Variants in HID1 observed in about 807,000 individuals in gnomAD.
HID1 encodes the protein protein HID1.
In HID1, 42 loss-of-function variants were observed where a neutral mutation model predicts 89.7. That is an observed-to-expected ratio of 0.47 (90% CI 0.37 to 0.61). The LOEUF (loss-of-function observed/expected upper bound fraction) is 0.61. HID1 is among the 20% of genes least tolerant of loss of function. The pLI is 0.00. For synonymous variants in HID1, 442 were observed against 433.8 expected (o/e 1.02, Z -0.24); for missense variants, 854 against 1,039.3 (o/e 0.82, Z 2.45).
chr17:74,961,035 C>T (rs959514230), intron 6 of HID1, among the ~76,000 whole-genome samples: 5 of 151,890 alleles, frequency 3.3e-5, no homozygotes, highest in Non-Finnish European at 5.9e-5. Context: ...ACACACTCCC[C>T]GACCCGGTCT....
At chr17:74,967,891 C>G (rs2039586919) in intron 1 of HID1, 1 of 152,084 alleles carries the variant, frequency 6.6e-6, no homozygotes, top group Non-Finnish European at 1.5e-5. Flanking sequence ...TCACTTGAGC[C>G]CAGAAGTTGA....
At chr17:74,968,436 G>T (rs538923973) in intron 1 of HID1, among the ~76,000 whole-genome samples, 1 of 152,070 alleles carries the variant, frequency 6.6e-6, no homozygotes, top group Non-Finnish European at 1.5e-5. Flanking sequence ...CCTCACCAAG[G>T]TCCAGGCATA....
rs1304960897 is a variant in HID1, at chr17:74,962,858, C to G, written c.504+107G>C. 1.3e-6 allele frequency: 1 copy of G among 761,404 alleles called. No individual in the cohort carries two copies. The highest frequency in any genetic ancestry group is 1.8e-5 in the African/African-American group (1 of 56,614). 47.2% of individuals were successfully genotyped at this position (761,404 alleles called of 1,614,324 possible). On this transcript the variant is annotated intron_variant, in intron 4 of 18. Transcript: ENST00000425042. The surrounding 1 kb of genome is among the most constrained non-coding windows in gnomAD (Gnocchi z 4.3). ...GCCAGGCAGCTCAGCTCTCCTGGAG[C>G]CCCCCGGCCCCCAGTGCAATCCGCC... is the stretch of plus-strand genomic sequence containing the variant.
Position 74,960,087 on chromosome 17 carries a change from G to A in HID1, c.890C>T (p.Ala297Val), listed in dbSNP as rs887996983. Residue 297 changes from alanine (A) to valine (V), a missense_variant, in exon 7 of 19, where the codon GCC (alanine) becomes GTC (valine). By Grantham distance (64) the Ala-to-Val change is moderately conservative (BLOSUM62 0). Coordinates refer to ENST00000425042, the MANE Select transcript of HID1 (RefSeq NM_030630.3). ...GTCCACAGTGGGGCTGGCACTGCTG[G>A]CACTGTCGTGGTCCAAAGTGACAAT... ...VLIVTLDHDS[A>V]SSASPTVDGT... 1.2e-5 allele frequency: 19 copies of A among 1,613,862 alleles called. No individual in the cohort carries two copies. Among genetic ancestry groups the A allele is most frequent in the Non-Finnish European group, 1.5e-5 (18 of 1,180,028 alleles).
intron 1 of HID1, among the ~76,000 whole-genome samples, chr17:74,968,143 C>T (rs1426220974): frequency 6.6e-6 from 1 of 152,018 alleles, no homozygotes; most frequent in Non-Finnish European, 1.5e-5. Context: ...TCTGAAGCTA[C>T]TTCTTCTAAG....
rs774572885 is a variant in HID1, at chr17:74,954,384, C to A, written c.1637-19G>T. 3 of 1,553,156 alleles carry A rather than the reference C, an allele frequency of 1.9e-6. No homozygotes were observed. The highest frequency in any genetic ancestry group is 1.7e-6 in the Non-Finnish European group (2 of 1,148,690). ...GAGTTGCCTGTGGGCAGGGAGCATG[C>A]CTCGCCTCAGGGAGGCCCCCTCCAG... On this transcript the variant is annotated intron_variant, in intron 13 of 18. Transcript: ENST00000425042.
chr17:74,952,181 C>T (rs1234493512), intron 17 of HID1, 88 bp downstream of exon 17: 4 of 1,524,200 alleles, frequency 2.6e-6, no homozygotes, highest in African/African-American at 2.7e-5. Context: ...AGGCTGGCCC[C>T]GCCCAGAGCC....
intron 3 of HID1, 84 bp from the exon 4 acceptor site, chr17:74,963,165 G>A: frequency 2.0e-6 from 2 of 1,008,574 alleles, no homozygotes; most frequent in Non-Finnish European, 2.9e-6. Flanking sequence ...TGGAGGACAG[G>A]GGCTGAGCCC....
At chr17:74,968,626 C>T (rs1412502020) in intron 1 of HID1, among the ~76,000 whole-genome samples, 1 of 152,178 alleles carries the variant, frequency 6.6e-6, no homozygotes, top group African/African-American at 2.4e-5. Flanking sequence ...TCAGCCAGGA[C>T]AGCCCTCTGG....
Position 74,954,229 on chromosome 17 carries a change from G to C in HID1, c.1773C>G (p.Thr591=), listed in dbSNP as rs755716748. The C allele has an allele frequency of 1.9e-6, 3 of 1,595,172 alleles. No homozygotes were observed. The highest frequency in any genetic ancestry group is 2.6e-6 in the Non-Finnish European group (3 of 1,172,208). Residue 591 remains threonine, a synonymous_variant, in exon 14 of 19, where the codon ACC becomes ACG. Transcript: ENST00000425042. ...RRRTPEPLSR[T]GSQEGTSMEG... ...CCATGGAGGTGCCCTCCTGGGAGCC[G>C]GTGCGAGACAAGGGCTCAGGTGTCC... is the stretch of plus-strand genomic sequence containing the variant.
At chr17:74,954,399 G>GC in intron 13 of HID1, 34 bp from the exon 14 acceptor site, 1 of 1,549,730 alleles carries the variant, frequency 6.5e-7, no homozygotes, top group Non-Finnish European at 8.7e-7. Context: ...CCTCAGGGAG[G>GC]CCCCCTCCAG....
At chr17:74,957,939 A>T (rs766151731) in intron 12 of HID1, 1 of 586,614 alleles carries the variant, frequency 1.7e-6, no homozygotes, top group Non-Finnish European at 3.0e-6. Flanking sequence ...CATATTGGCT[A>T]CATGTTGAGA....
chr17:74,962,367 G>C lies in HID1; in HGVS notation c.505-27C>G, dbSNP rs761476128. On this transcript the variant is annotated intron_variant, in intron 4 of 18. Transcript: ENST00000425042. This position sits in a 1 kb window ranked among gnomAD's most constrained non-coding sequence, Gnocchi z 4.3. ...TGGGGACAGGCCAGGAAGAAGCCGG[G>C]TTAGGGGGTCGAGAGGTGAACAGCA... 3.2e-6 allele frequency: 5 copies of C among 1,546,048 alleles called. No homozygotes were observed. The South Asian group carries it at 5.7e-5, about 18-fold the overall frequency.
At chr17:74,956,037 G>C (rs1235085575) in intron 12 of HID1, 81 bp from the exon 13 acceptor site, 6 of 1,418,024 alleles carry the variant, frequency 4.2e-6, no homozygotes, top group Admixed American at 1.8e-5. Context: ...GGAACAACAG[G>C]CTCCTGCTCT....
Position 74,954,304 on chromosome 17 carries a change from G to T in HID1, c.1698C>A (p.Asn566Lys), listed in dbSNP as rs1446602870. 1 of 1,587,520 alleles carries T rather than the reference G, an allele frequency of 6.3e-7. No individual in the cohort carries two copies. Among genetic ancestry groups the T allele is most frequent in the South Asian group, 1.2e-5 (1 of 86,934 alleles). The change falls in exon 14 of 19, where the codon AAC (asparagine) becomes AAA (lysine). Residue 566 changes from asparagine (N) to lysine (K), a missense_variant. By Grantham distance (94) the Asn-to-Lys change is moderately conservative. Transcript: ENST00000425042. ...RKRSIFHQLANLPTDPPTIHK... is the reference protein window; with the variant it reads ...RKRSIFHQLAKLPTDPPTIHK... ...GAATGGTGGGCGGGTCCGTGGGCAG[G>T]TTGGCCAGCTGGTGGAAGATGCTGC...
chr17:74,969,992 C>A (rs1035311213), intron 1 of HID1, among the ~76,000 whole-genome samples: 1 of 145,952 alleles, frequency 6.9e-6, no homozygotes, highest in African/African-American at 2.5e-5. Flanking sequence ...TCTCAGCTCA[C>A]CGCAACCTCT....
chr17:74,959,136 C>A lies in HID1; in HGVS notation c.1009-85G>T. The stretch of plus-strand genomic sequence containing the variant: ...CAGCCCAGGCCCCCAACAAATCCCC[C>A]CCTCCATCCCCCAGAGCCAGATCCC... On this transcript the variant is annotated intron_variant, in intron 8 of 18. Coordinates refer to ENST00000425042, the MANE Select transcript of HID1 (RefSeq NM_030630.3). The surrounding 1 kb of genome is among the most constrained non-coding windows in gnomAD (Gnocchi z 4.6). 2 of 1,401,756 alleles carry A rather than the reference C, an allele frequency of 1.4e-6. No individual in the cohort carries two copies. Among genetic ancestry groups the A allele is most frequent in the African/African-American group, 1.4e-5 (1 of 69,680 alleles). The allele number at this position is 1,401,756 out of a possible 1,614,324, so 86.8% of individuals were successfully genotyped here. A position where few individuals can be genotyped will look rare whatever the true frequency, so the allele number is the denominator to read the frequency against.
Position 74,951,573 on chromosome 17 carries a change from C to T in HID1, c.2364G>A (p.Val788=), listed in dbSNP as rs1484859753. Residue 788 remains valine, a synonymous_variant, in exon 19 of 19, where the codon GTG becomes GTA. Transcript: ENST00000425042. ...TDVKLFEIQR[V] ...GAGCCCCTCGTCGGCTTCATCCTCACACCCGCTGTATCTCAAACAGCTTCA... is the reference window on the plus strand; with the variant it reads ...GAGCCCCTCGTCGGCTTCATCCTCATACCCGCTGTATCTCAAACAGCTTCA... The T allele has an allele frequency of 2.2e-5, 36 of 1,611,156 alleles. No individual in the cohort carries two copies. Among genetic ancestry groups the T allele is most frequent in the Non-Finnish European group, 3.0e-5 (35 of 1,178,910 alleles).
chr17:74,963,095 A>T lies in HID1; in HGVS notation c.388-14T>A. The T allele has an allele frequency of 6.4e-7, 1 of 1,564,464 alleles. No homozygotes were observed. The highest frequency in any genetic ancestry group is 1.1e-5 in the South Asian group (1 of 87,172). ...CTCTTCTCCCTGCTGGGGACACAGC[A>T]CCCACAGGCTGCCTCAGTGATAGCT... On this transcript the variant is annotated splice_polypyrimidine_tract_variant and intron_variant, in intron 3 of 18. Coordinates refer to ENST00000425042, the MANE Select transcript of HID1 (RefSeq NM_030630.3).
Sources: gnomAD v4.1 joint callset for allele counts (sites outside exome capture counted in the v4.1 genomes callset) on GRCh38, gnomAD v4.1.1 for gene constraint, Gnocchi (gnomAD v3.1) non-coding constraint, MANE v1.5 for transcripts, NCBI Gene and HGNC (gene_info 2026-07-23, HGNC 2026-07-21) for gene names.